The following NT5DC1 variants were observed in gnomAD, a reference collection of about 807,000 sequenced individuals.
The protein encoded by NT5DC1 is 5'-nucleotidase domain containing 1.
In NT5DC1, 42 loss-of-function variants were observed where a neutral mutation model predicts 59.4. That is an observed-to-expected ratio of 0.71 (90% CI 0.55 to 0.92). NT5DC1 has a LOEUF of 0.92. Ranked by LOEUF, NT5DC1 falls within the 40% of genes least tolerant of loss-of-function variation. The pLI, the probability that NT5DC1 is intolerant of heterozygous loss-of-function variation, is 0.00. For synonymous variants in NT5DC1, 172 were observed against 188.1 expected (o/e 0.91, Z 0.70); for missense variants, 501 against 537.1 (o/e 0.93, Z 0.66).
chr6:116,135,900 G>T (rs1010213750), intron 6 of NT5DC1, among the ~76,000 whole-genome samples: 1 of 130,886 alleles, frequency 7.6e-6, no homozygotes, highest in African/African-American at 2.9e-5. Flanking sequence ...TTGCTAAATG[G>T]TTACCACAAT....
intron 6 of NT5DC1, among the ~76,000 whole-genome samples, chr6:116,176,699 T>C (rs2114463264): frequency 6.6e-6 from 1 of 152,324 alleles, no homozygotes; most frequent in Admixed American, 6.5e-5. Context: ...CCTGTTGGAC[T>C]TGCTGCCCTT....
At chr6:116,243,637 G>C in intron 11 of NT5DC1, among the ~76,000 whole-genome samples, 1 of 152,044 alleles carries the variant, frequency 6.6e-6, no homozygotes, top group East Asian at 1.9e-4. Context: ...GTTAGACATG[G>C]TTATCTCATT....
chr6:116,207,932 G>A (rs1170476320), intron 6 of NT5DC1, among the ~76,000 whole-genome samples: 1 of 151,886 alleles, frequency 6.6e-6, no homozygotes, highest in African/African-American at 2.4e-5. Flanking sequence ...GTTTAGCATA[G>A]TGTATACATA....
chr6:116,218,710 G>C (rs752895377), intron 6 of NT5DC1, among the ~76,000 whole-genome samples: 15 of 152,134 alleles, frequency 9.9e-5, no homozygotes, highest in African/African-American at 1.9e-4. Context: ...TTCACACACA[G>C]AAGTTCCTGT....
chr6:116,193,452 T>G (rs1278341157), intron 6 of NT5DC1, among the ~76,000 whole-genome samples: 1 of 152,126 alleles, frequency 6.6e-6, no homozygotes, highest in Non-Finnish European at 1.5e-5. Context: ...TGCAACTTGC[T>G]TGCTGTGTGA....
chr6:116,143,520 C>A (rs556469550), intron 6 of NT5DC1, among the ~76,000 whole-genome samples: 1 of 152,236 alleles, frequency 6.6e-6, no homozygotes, highest in East Asian at 1.9e-4. Context: ...CCTTTCCCAC[C>A]TCTTTAATTG....
chr6:116,245,287 AAC>A lies in NT5DC1; in HGVS notation c.*1268_*1269del, dbSNP rs1247811629. The A allele has an allele frequency of 6.6e-6, 1 of 152,492 alleles. No individual in the cohort carries two copies. Among genetic ancestry groups the A allele is most frequent in the Non-Finnish European group, 1.5e-5 (1 of 68,020 alleles). 9.4% of individuals were successfully genotyped at this position (152,492 alleles called of 1,614,324 possible). A position where few individuals can be genotyped will look rare whatever the true frequency, so the allele number is the denominator to read the frequency against. On this transcript the variant is annotated 3_prime_UTR_variant, in exon 12 of 12. Coordinates refer to ENST00000319550, the MANE Select transcript of NT5DC1 (RefSeq NM_152729.3). ...CTGTCTATCATGGGCAGTATTAGAAAACACACTGGTTTTCACTATCTGGTTTA... is the reference window on the plus strand; with the variant it reads ...CTGTCTATCATGGGCAGTATTAGAAAACACTGGTTTTCACTATCTGGTTTA...
chr6:116,166,734 T>A (rs995095829), intron 6 of NT5DC1, among the ~76,000 whole-genome samples: 2 of 152,354 alleles, frequency 1.3e-5, no homozygotes, highest in East Asian at 1.9e-4. Context: ...TACTAAAGTT[T>A]CAGAGACTTT....
At position 116,125,470 on chromosome 6, in the gene NT5DC1, A is replaced by C. The variant is rs34539681; in HGVS notation, c.529+7525A>C. ...AACCAAGTTCAAGGATACTAGCAGC[A>C]AAAAGGGTATTTGTGGCAGCATATT... On this transcript the variant is annotated intron_variant, in intron 6 of 11. Coordinates refer to ENST00000319550, the MANE Select transcript of NT5DC1 (RefSeq NM_152729.3). 6.4e-4 allele frequency: 1,026 copies of C among 1,613,846 alleles called. 4 individuals carry two copies. The African/African-American group carries it at 1.0e-2, about 16-fold the overall frequency.
chr6:116,137,892 C>T (rs1779652713), intron 6 of NT5DC1, among the ~76,000 whole-genome samples: 1 of 152,076 alleles, frequency 6.6e-6, no homozygotes, highest in South Asian at 2.1e-4. Context: ...CCAGCCTGAC[C>T]AACATGGTGA....
intron 8 of NT5DC1, among the ~76,000 whole-genome samples, chr6:116,233,079 G>T (rs1037273649): frequency 1.3e-5 from 2 of 151,956 alleles, no homozygotes; most frequent in African/African-American, 2.4e-5. Flanking sequence ...TAAGTTAAAG[G>T]GTTTGAGGAA....
intron 6 of NT5DC1, chr6:116,125,765 A>G: frequency 3.1e-6 from 1 of 325,638 alleles, no homozygotes; most frequent in Non-Finnish European, 5.8e-6. Context: ...AGAAATTAGG[A>G]TTGGATGTCT....
intron 6 of NT5DC1, among the ~76,000 whole-genome samples, chr6:116,184,317 G>A (rs1780946658): frequency 2.0e-5 from 3 of 151,934 alleles, no homozygotes; most frequent in African/African-American, 7.2e-5. Flanking sequence ...TTTTGTTGAG[G>A]ATTTTGCATT....
chr6:116,197,208 T>C (rs537154109), intron 6 of NT5DC1, among the ~76,000 whole-genome samples: 1 of 152,106 alleles, frequency 6.6e-6, no homozygotes, highest in South Asian at 2.1e-4. Context: ...CATAGGCATC[T>C]GGCCACGGAT....
intron 6 of NT5DC1, among the ~76,000 whole-genome samples, chr6:116,200,855 C>CTGTAAAT: frequency 6.6e-6 from 1 of 152,118 alleles, no homozygotes; most frequent in Admixed American, 6.6e-5. Context: ...TTTACTTTTT[C>CTGTAAAT]TTCTGAGGAA....
At chr6:116,225,432 G>A (rs895623920) in intron 8 of NT5DC1, among the ~76,000 whole-genome samples, 1 of 152,172 alleles carries the variant, frequency 6.6e-6, no homozygotes, top group African/African-American at 2.4e-5. Context: ...ATTAAAGATA[G>A]AGAAGAAAGA....
chr6:116,152,981 G>A (rs1297386739), intron 6 of NT5DC1, among the ~76,000 whole-genome samples: 1 of 152,016 alleles, frequency 6.6e-6, no homozygotes, highest in Admixed American at 6.6e-5. Flanking sequence ...AAATACAGAG[G>A]AATGATTGCT....
At chr6:116,172,119 C>CT (rs763117349) in intron 6 of NT5DC1, among the ~76,000 whole-genome samples, 3 of 152,270 alleles carry the variant, frequency 2.0e-5, no homozygotes, top group Non-Finnish European at 4.4e-5. Flanking sequence ...AGTAGTTGAG[C>CT]ATTTCCTAAC....
chr6:116,146,139 A>G (rs567147691), intron 6 of NT5DC1, among the ~76,000 whole-genome samples: 3 of 152,318 alleles, frequency 2.0e-5, no homozygotes, highest in Middle Eastern at 3.4e-3. Context: ...AAAAACTTTC[A>G]TGCTTTGTGT....
Sources: allele counts gnomAD v4.1 joint callset (sites outside exome capture counted in the v4.1 genomes callset), GRCh38; gene constraint gnomAD v4.1.1; transcripts MANE v1.5; gene names NCBI Gene and HGNC (gene_info 2026-07-23, HGNC 2026-07-21).